Variants in DCDC1 observed in about 807,000 individuals in gnomAD.
The protein encoded by DCDC1 is doublecortin domain containing 1, also known as doublecortin domain-containing protein 1.
In DCDC1, 200 loss-of-function variants were observed where a neutral mutation model predicts 178.3. That is an observed-to-expected ratio of 1.12 (90% confidence interval 1.00 to 1.26). DCDC1 has a LOEUF of 1.26. DCDC1 is among the 50% of genes most tolerant of loss of function. DCDC1 has a pLI of 0.00. For missense variants in DCDC1, 1,983 were observed against 1,749.2 expected, an observed-to-expected ratio of 1.13 and a Z score of -2.38; for synonymous variants, 690 against 604.8, an observed-to-expected ratio of 1.14 and a Z score of -2.07.
chr11:30,958,146 T>G (rs552784761), intron 20 of DCDC1, among the ~76,000 whole-genome samples: 4 of 152,150 alleles, frequency 2.6e-5, no homozygotes, highest in Non-Finnish European at 5.9e-5. Flanking sequence ...GGATATACAT[T>G]GACACATTAT....
At chr11:31,363,092 C>T (rs1218971057) in intron 1 of DCDC1, among the ~76,000 whole-genome samples, 2 of 152,036 alleles carry the variant, frequency 1.3e-5, no homozygotes, top group African/African-American at 4.8e-5. Flanking sequence ...TACCATCATA[C>T]AAAAATTATA....
At chr11:31,148,687 A>T (rs1344307792) in intron 9 of DCDC1, among the ~76,000 whole-genome samples, 1 of 148,158 alleles carries the variant, frequency 6.7e-6, no homozygotes. Context: ...TTTTATACAG[A>T]GCAAGACTCC....
At chr11:31,024,737 T>A (rs540714221) in intron 20 of DCDC1, among the ~76,000 whole-genome samples, 1 of 151,962 alleles carries the variant, frequency 6.6e-6, no homozygotes, top group Non-Finnish European at 1.5e-5. Context: ...TTTTATGTCC[T>A]AATATTTTTA....
intron 20 of DCDC1, among the ~76,000 whole-genome samples, chr11:31,002,690 T>A (rs941686171): frequency 1.2e-4 from 18 of 152,318 alleles, no homozygotes; most frequent in African/African-American, 4.3e-4. Context: ...CCCATACTGC[T>A]AAAGACCTGT....
chr11:31,191,012 C>T (rs1437446818), intron 9 of DCDC1, among the ~76,000 whole-genome samples: 1 of 152,028 alleles, frequency 6.6e-6, no homozygotes, highest in Non-Finnish European at 1.5e-5. Flanking sequence ...TGCATACAGC[C>T]TAGGTACATC....
At chr11:30,968,681 TTATATATATCAAATTA>T in intron 20 of DCDC1, among the ~76,000 whole-genome samples, 1 of 101,302 alleles carries the variant, frequency 9.9e-6, no homozygotes, top group South Asian at 2.9e-4. Flanking sequence ...ATATATCAAA[TTATATATATCAAATTA>T]TATATATATC....
At chr11:31,262,890 C>T in intron 8 of DCDC1, 2 of 573,348 alleles carry the variant, frequency 3.5e-6, no homozygotes, top group Non-Finnish European at 5.8e-6. Flanking sequence ...GTAATGCTTC[C>T]ACATGTTAGT....
At chr11:30,894,128 G>A in intron 35 of DCDC1, 120 bp downstream of exon 35, 1 of 1,372,338 alleles carries the variant, frequency 7.3e-7, no homozygotes, top group Non-Finnish European at 9.6e-7. Flanking sequence ...TGCTTATATG[G>A]TCATAACTGA....
rs1449204957 is a variant in DCDC1 at position 31,126,117 on chromosome 11, G to A, written c.1485+1352C>T. Among the ~76,000 whole-genome samples the A allele has an allele frequency of 2.6e-5, 4 of 152,036 alleles. No individual in the cohort carries two copies. The East Asian group carries it at 7.7e-4, about 29-fold the overall frequency. On this transcript the variant is annotated intron_variant, in intron 11 of 38. Transcript: ENST00000684477. ...CCCCAAGTCACACCGTAGTTCATAC[G>A]AATAGCTGCTGATACAAATGAGTAG...
At chr11:31,126,696 C>A (rs2135929641) in intron 11 of DCDC1, among the ~76,000 whole-genome samples, 1 of 152,270 alleles carries the variant, frequency 6.6e-6, no homozygotes, top group African/African-American at 2.4e-5. Context: ...ATAGGCTACA[C>A]TGTGAGTAAT....
intron 20 of DCDC1, among the ~76,000 whole-genome samples, chr11:30,970,151 C>T (rs1949698375): frequency 6.6e-6 from 1 of 152,160 alleles, no homozygotes; most frequent in Non-Finnish European, 1.5e-5. Context: ...TACATTTCCA[C>T]AATAGACTCC....
At chr11:31,310,196 G>A (rs576414609) in intron 3 of DCDC1, among the ~76,000 whole-genome samples, 1 of 151,998 alleles carries the variant, frequency 6.6e-6, no homozygotes, top group South Asian at 2.1e-4. Context: ...ATCTGAAAGT[G>A]GGAGAAGGGG....
Position 31,137,506 on chromosome 11 carries a change from C to T in DCDC1, c.1314+186G>A, listed in dbSNP as rs539050047. On this transcript the variant is annotated intron_variant, in intron 10 of 38. Transcript: ENST00000684477. Reference sequence around the variant, plus strand: ...CTGGGATTACAGGCGCCCGCCACCACGCCCAGCTAATTTTTGTATTTTTAG... The same window carrying T: ...CTGGGATTACAGGCGCCCGCCACCATGCCCAGCTAATTTTTGTATTTTTAG... Among the ~76,000 whole-genome samples the T allele has an allele frequency of 3.2e-4, 48 of 150,468 alleles. 1 individual carries two copies. The East Asian group carries it at 5.3e-3, about 16-fold the overall frequency.
rs769973891 is a variant in DCDC1, at chr11:31,307,888, G to C, written c.185C>G (p.Ala62Gly). 1 of 1,613,980 alleles carries C rather than the reference G, an allele frequency of 6.2e-7. No individual in the cohort carries two copies. Among genetic ancestry groups the C allele is most frequent in the South Asian group, 1.1e-5 (1 of 91,082 alleles). ...DLPREFMSSQ[A>G]KAVIKTTDDY... is the part of the protein sequence containing the mutation. ...ATCAGTAGTTTTAATAACTGCTTTT[G>C]CCTGGGATGACATAAACTCTCTGGA... The change falls in exon 4 of 39, where the codon GCA becomes GGA. Residue 62 changes from alanine to glycine, a missense_variant. Physicochemically the swap from Ala to Gly is moderately conservative, Grantham distance 60 (BLOSUM62 0). Coordinates refer to ENST00000684477, the MANE Select transcript of DCDC1 (RefSeq NM_001387274.1).
intron 17 of DCDC1, among the ~76,000 whole-genome samples, chr11:31,083,670 G>A (rs1337611370): frequency 3.3e-5 from 5 of 152,198 alleles, no homozygotes; most frequent in African/African-American, 1.2e-4. Context: ...CCAGAAGTAT[G>A]TCACTTTTGT....
At chr11:30,898,887 A>G (rs1357375709) in intron 34 of DCDC1, among the ~76,000 whole-genome samples, 1 of 152,160 alleles carries the variant, frequency 6.6e-6, no homozygotes, top group African/African-American at 2.4e-5. Context: ...TCCTAGACTC[A>G]AGTCCATAGT....
At chr11:31,362,921 A>G (rs1324508167) in intron 1 of DCDC1, among the ~76,000 whole-genome samples, 1 of 152,146 alleles carries the variant, frequency 6.6e-6, no homozygotes, top group Non-Finnish European at 1.5e-5. Flanking sequence ...CTGAAATGCT[A>G]AATGTGTTTA....
chr11:31,325,308 A>G (rs1258071624), intron 3 of DCDC1, among the ~76,000 whole-genome samples: 2 of 152,128 alleles, frequency 1.3e-5, no homozygotes, highest in Non-Finnish European at 2.9e-5. Flanking sequence ...ATTCTGGGTC[A>G]CTTGGGAATG....
Position 31,328,945 on chromosome 11 carries a change from C to CTTTTTTT in DCDC1, c.-6-666_-6-660dup, listed in dbSNP as rs1176942329. ...GTTACTGAAAAAGCACACCACAAGG[C>CTTTTTTT]TTTTTTTTTTTTTTTTTTTTTTTTT... On this transcript the variant is annotated intron_variant, in intron 2 of 38. Transcript: ENST00000684477. Among the ~76,000 whole-genome samples, 49 of 47,806 alleles carry CTTTTTTT rather than the reference C, an allele frequency of 1.0e-3. 8 individuals are homozygous for CTTTTTTT. Among genetic ancestry groups the CTTTTTTT allele is most frequent in the South Asian group, 4.8e-3 (6 of 1,260 alleles). The allele number at this position is 47,806 out of a possible 152,430, so 31.4% of individuals were successfully genotyped here.
Sources: allele counts gnomAD v4.1 joint callset (sites outside exome capture counted in the v4.1 genomes callset), GRCh38; gene constraint gnomAD v4.1.1; transcripts MANE v1.5; gene names NCBI Gene and HGNC (gene_info 2026-07-23, HGNC 2026-07-21).